Variants in FAM161A observed in about 807,000 individuals in gnomAD.
FAM161A encodes the protein FAM161 centrosomal protein A.
In FAM161A, 57 loss-of-function variants were observed where a neutral mutation model predicts 70.9. The ratio of observed to expected loss-of-function variants is 0.80; its 90% CI spans 0.65 to 1.00. FAM161A has a LOEUF of 1.00. Ranked by LOEUF, FAM161A falls within the 50% of genes least tolerant of loss-of-function variation. The pLI is 0.00. For synonymous variants in FAM161A, 299 were observed against 295.7 expected (o/e 1.01, Z -0.12); for missense variants, 880 against 836.0 (o/e 1.05, Z -0.65).
intron 1 of FAM161A, among the ~76,000 whole-genome samples, chr2:61,847,981 G>C (rs939727473): frequency 1.3e-5 from 2 of 152,116 alleles, no homozygotes; most frequent in African/African-American, 4.8e-5. Flanking sequence ...AGAAATGCTG[G>C]CTGCTCTAAA....
At chr2:61,853,823 T>A (rs1673581173) in intron 1 of FAM161A, 36 bp downstream of exon 1, 5 of 1,612,616 alleles carry the variant, frequency 3.1e-6, no homozygotes, top group African/African-American at 1.3e-5. Flanking sequence ...ACCCAGCCCA[T>A]GCGAGGTCCC....
intron 5 of FAM161A, among the ~76,000 whole-genome samples, chr2:61,830,574 C>T (rs1672529729): frequency 6.6e-6 from 1 of 150,788 alleles, no homozygotes; most frequent in African/African-American, 2.4e-5. Context: ...ATCCCAGCTA[C>T]TCAGGAGACT....
At chr2:61,813,547 CAAAA>C in the FAM161A span, among the ~76,000 whole-genome samples, 22 of 55,966 alleles carry the variant, frequency 3.9e-4, no homozygotes, top group Non-Finnish European at 5.7e-4. Context: ...GACTCCACCT[CAAAA>C]AAAAAAAAAA....
At chr2:61,820,914 G>A (rs1161936439), downstream of FAM161A, among the ~76,000 whole-genome samples, 1 of 152,130 alleles carries the variant, frequency 6.6e-6, no homozygotes, top group Non-Finnish European at 1.5e-5. Flanking sequence ...TGTTGAAAAG[G>A]AAGAAACAAA....
chr2:61,853,014 C>A (rs559416646), intron 1 of FAM161A, among the ~76,000 whole-genome samples: 1 of 145,226 alleles, frequency 6.9e-6, no homozygotes, highest in African/African-American at 2.6e-5. Flanking sequence ...CAAGTTCAAG[C>A]GATTCTCCTG....
intron 1 of FAM161A, 146 bp downstream of exon 1, chr2:61,853,713 G>A (rs1481779319): frequency 1.3e-6 from 1 of 784,672 alleles, no homozygotes; most frequent in African/African-American, 1.8e-5. Flanking sequence ...CGTAGAGAAG[G>A]GGCTGGGCCA....
At chr2:61,814,790 G>C in the FAM161A span, among the ~76,000 whole-genome samples, 1 of 152,200 alleles carries the variant, frequency 6.6e-6, no homozygotes, top group African/African-American at 2.4e-5. Flanking sequence ...ACAACCTGTT[G>C]AGTGCGTATA....
At chr2:61,823,984 T>G (rs1343793115), downstream of FAM161A, among the ~76,000 whole-genome samples, 1 of 152,258 alleles carries the variant, frequency 6.6e-6, no homozygotes, top group East Asian at 1.9e-4. Context: ...CTGTGTAATG[T>G]GACCTGCTAA....
the FAM161A span, chr2:61,803,150 T>C: frequency 8.4e-6 from 4 of 475,244 alleles, no homozygotes; most frequent in Non-Finnish European, 1.6e-5. Flanking sequence ...CAGATGCTCA[T>C]TGATGTCCTT....
At chr2:61,807,570 A>C in the FAM161A span, among the ~76,000 whole-genome samples, 1 of 150,278 alleles carries the variant, frequency 6.7e-6, no homozygotes, top group Admixed American at 6.6e-5. Flanking sequence ...GGCTCTGCAA[A>C]GTGGGGGACT....
intron 1 of FAM161A, among the ~76,000 whole-genome samples, chr2:61,852,514 A>T (rs1673531472): frequency 6.6e-6 from 1 of 152,154 alleles, no homozygotes; most frequent in East Asian, 1.9e-4. Flanking sequence ...CTGAGGTTTA[A>T]GGAAATTATG....
At chr2:61,848,854 A>T (rs1373911479) in intron 1 of FAM161A, among the ~76,000 whole-genome samples, 2 of 8,076 alleles carry the variant, frequency 2.5e-4, no homozygotes, top group African/African-American at 9.3e-4. Context: ...ATATATTTAT[A>T]TATATATTTA....
intron 1 of FAM161A, among the ~76,000 whole-genome samples, chr2:61,850,747 T>C (rs945596664): frequency 1.3e-5 from 2 of 152,166 alleles, no homozygotes; most frequent in East Asian, 3.8e-4. Flanking sequence ...AGTGAAACTC[T>C]GTCTCAAAAA....
chr2:61,845,266 C>G (rs1673163396), intron 1 of FAM161A, among the ~76,000 whole-genome samples: 2 of 152,200 alleles, frequency 1.3e-5, no homozygotes, highest in Non-Finnish European at 2.9e-5. Context: ...CAAAGACCAA[C>G]TGATACGGGT....
chr2:61,832,943 T>G (rs1172645469), intron 5 of FAM161A, among the ~76,000 whole-genome samples: 1 of 152,026 alleles, frequency 6.6e-6, no homozygotes, highest in African/African-American at 2.4e-5. Context: ...GCAGGACACT[T>G]GTGGGCTCCA....
the FAM161A span, among the ~76,000 whole-genome samples, chr2:61,811,830 T>A: frequency 5.3e-5 from 8 of 152,082 alleles, no homozygotes; most frequent in Admixed American, 3.3e-4. Context: ...AAAACCCAAG[T>A]CCCTGCTCAG....
intron 1 of FAM161A, among the ~76,000 whole-genome samples, chr2:61,845,513 A>T (rs1673172940): frequency 6.6e-6 from 1 of 152,130 alleles, no homozygotes; most frequent in South Asian, 2.1e-4. Flanking sequence ...GGAGGAGGTA[A>T]TATTTGAGAT....
intron 4 of FAM161A, among the ~76,000 whole-genome samples, chr2:61,837,902 T>C (rs1672834664): frequency 6.6e-6 from 1 of 152,150 alleles, no homozygotes; most frequent in Admixed American, 6.6e-5. Context: ...CACATATGCA[T>C]ATTTAGAAAT....
chr2:61,834,240 C>G (rs899882711), intron 5 of FAM161A, among the ~76,000 whole-genome samples: 1 of 152,014 alleles, frequency 6.6e-6, no homozygotes, highest in Admixed American at 6.6e-5. Flanking sequence ...CCTAAGCAAA[C>G]TAAAGCAGAA....
Sources: allele counts gnomAD v4.1 joint callset (sites outside exome capture counted in the v4.1 genomes callset), GRCh38; gene constraint gnomAD v4.1.1; transcripts MANE v1.5; gene names NCBI Gene and HGNC (gene_info 2026-07-23, HGNC 2026-07-21).